The following PADI2 variants were observed in gnomAD, a reference collection of about 807,000 sequenced individuals.
The protein encoded by PADI2 is peptidyl arginine deiminase 2, also known as protein-arginine deiminase type-2.
A neutral mutation model predicts 81.1 loss-of-function variants in PADI2; 70 were observed. The ratio of observed to expected loss-of-function variants is 0.86; its 90% CI spans 0.71 to 1.05. The LOEUF (loss-of-function observed/expected upper bound fraction) is 1.05. Ranked by LOEUF, PADI2 falls within the 50% of genes least tolerant of loss-of-function variation. PADI2 has a pLI of 0.00. For missense variants in PADI2, 853 were observed against 889.9 expected, an observed-to-expected ratio of 0.96 and a Z score of 0.53; for synonymous variants, 338 against 358.0, an observed-to-expected ratio of 0.94 and a Z score of 0.63.
rs1024885747 is a variant in PADI2 at position 17,067,668 on chromosome 1, T to A, written c.*1376A>T. ...GTAGGGACCAGGTCCAGACTGCTACTAACCACTGTGTTTGCAGAGCCCAAC... is the reference window on the plus strand; with the variant it reads ...GTAGGGACCAGGTCCAGACTGCTACAAACCACTGTGTTTGCAGAGCCCAAC... On this transcript the variant is annotated 3_prime_UTR_variant, in exon 16 of 16. Transcript: ENST00000375486. 7 of 152,252 alleles carry A rather than the reference T, an allele frequency of 4.6e-5. No homozygotes were observed. The highest frequency in any genetic ancestry group is 1.7e-4 in the African/African-American group (7 of 41,458). 9.4% of individuals were successfully genotyped at this position (152,252 alleles called of 1,614,324 possible). A position where few individuals can be genotyped will look rare whatever the true frequency, so the allele number is the denominator to read the frequency against.
intron 5 of PADI2, among the ~76,000 whole-genome samples, 178 bp downstream of exon 5, chr1:17,093,389 C>T (rs1025112665): frequency 1.7e-4 from 26 of 152,190 alleles, no homozygotes; most frequent in Non-Finnish European, 2.8e-4. Flanking sequence ...CCACCACGCC[C>T]GGCCCTTGTC....
At chr1:17,071,383 C>T (rs747790179) in intron 14 of PADI2, 23 bp downstream of exon 14, 19 of 1,587,704 alleles carry the variant, frequency 1.2e-5, no homozygotes, top group Non-Finnish European at 1.6e-5. Context: ...CCCTCTGGCC[C>T]TGCACCCCTG....
chr1:17,096,819 G>A (rs1387292880), intron 3 of PADI2, among the ~76,000 whole-genome samples: 2 of 152,180 alleles, frequency 1.3e-5, no homozygotes, highest in East Asian at 3.8e-4. Flanking sequence ...TTGTAACATG[G>A]GGCCCTTCCT....
chr1:17,086,472 C>T (rs948565003), intron 7 of PADI2, 49 bp downstream of exon 7: 5 of 1,512,026 alleles, frequency 3.3e-6, no homozygotes, highest in Non-Finnish European at 3.6e-6. Context: ...AGGAGACCCA[C>T]CCTGGCCCCT....
Position 17,092,465 on chromosome 1 carries a change from T to G in PADI2, c.598A>C (p.Ile200Leu). Residue 200 changes from isoleucine (I) to leucine (L), a missense_variant, in exon 6 of 16, where the codon ATA becomes CTA. Physicochemically the swap from Ile to Leu is conservative, Grantham distance 5 (BLOSUM62 2). Coordinates refer to ENST00000375486, the MANE Select transcript of PADI2 (RefSeq NM_007365.3). ...GPDRLPAGYE[I>L]VLYISMSDSD... ...TCTGACATGGAAATGTACAGAACTA[T>G]CTCGTATCCGGCGGGGAGGCGGTCG... The G allele has an allele frequency of 6.2e-7, 1 of 1,605,504 alleles. No homozygotes were observed. Among genetic ancestry groups the G allele is most frequent in the Middle Eastern group, 1.7e-4 (1 of 6,042 alleles).
At chr1:17,105,442 C>T (rs1931337995) in intron 1 of PADI2, among the ~76,000 whole-genome samples, 1 of 151,952 alleles carries the variant, frequency 6.6e-6, no homozygotes, top group African/African-American at 2.4e-5. Flanking sequence ...GTTGCCCAGG[C>T]TGGAGTGCAA....
intron 3 of PADI2, among the ~76,000 whole-genome samples, 174 bp from the exon 4 acceptor site, chr1:17,096,144 C>G (rs1294130581): frequency 6.6e-6 from 1 of 152,238 alleles, no homozygotes. Flanking sequence ...CCACTACCCA[C>G]TGGAGACCGT....
intron 14 of PADI2, among the ~76,000 whole-genome samples, chr1:17,070,731 G>A (rs1033860822): frequency 3.9e-5 from 6 of 151,978 alleles, no homozygotes; most frequent in South Asian, 2.1e-4. Context: ...GCACGATCTC[G>A]GTTCACTGCA....
At chr1:17,104,497 C>G (rs12024925) in intron 2 of PADI2, among the ~76,000 whole-genome samples, 6 of 126,210 alleles carry the variant, frequency 4.8e-5, no homozygotes, top group Non-Finnish European at 6.5e-5. Flanking sequence ...TGCAGTGGTG[C>G]GATCTCGGCT....
At chr1:17,114,864 G>C (rs1931705413) in intron 1 of PADI2, among the ~76,000 whole-genome samples, 1 of 152,184 alleles carries the variant, frequency 6.6e-6, no homozygotes, top group African/African-American at 2.4e-5. Context: ...GCACAGCCAA[G>C]GGCTAACAGC....
In PADI2 at chr1:17,093,506, A is replaced by C. The variant is rs866589599; in HGVS notation, c.529+61T>G. ...TGCCTCACCCTCAGCCCAGCCCAGGACTGGGCATGAATCTTTTCACTCCTC... is the reference window on the plus strand; with the variant it reads ...TGCCTCACCCTCAGCCCAGCCCAGGCCTGGGCATGAATCTTTTCACTCCTC... On this transcript the variant is annotated intron_variant, in intron 5 of 15. Transcript: ENST00000375486. 4 of 1,107,172 alleles carry C rather than the reference A, an allele frequency of 3.6e-6. No individual in the cohort carries two copies. In the African/African-American group the frequency reaches 6.1e-5, roughly 17 times the overall value. 68.6% of individuals were successfully genotyped at this position (1,107,172 alleles called of 1,614,324 possible).
chr1:17,081,277 G>A (rs2101581493), intron 10 of PADI2, among the ~76,000 whole-genome samples: 1 of 152,332 alleles, frequency 6.6e-6, no homozygotes, highest in African/African-American at 2.4e-5. Flanking sequence ...ATCAGACATG[G>A]CACTGATGCC....
chr1:17,116,967 G>T (rs1275443912), intron 1 of PADI2, among the ~76,000 whole-genome samples: 1 of 152,180 alleles, frequency 6.6e-6, no homozygotes, highest in African/African-American at 2.4e-5. Flanking sequence ...CTGTGATTTT[G>T]CCCCCTGCCA....
At chr1:17,096,768 T>A (rs924660647) in intron 3 of PADI2, among the ~76,000 whole-genome samples, 3 of 152,204 alleles carry the variant, frequency 2.0e-5, no homozygotes, top group African/African-American at 7.2e-5. Context: ...TGTGTGACTT[T>A]GGGCAGGTTA....
chr1:17,071,305 T>A, intron 14 of PADI2, 101 bp downstream of exon 14: 1 of 824,580 alleles, frequency 1.2e-6, no homozygotes, highest in Non-Finnish European at 2.0e-6. Context: ...CAGGAGCTCC[T>A]GAGCCCTTGG....
chr1:17,097,371 C>T (rs534620957), intron 3 of PADI2, among the ~76,000 whole-genome samples: 1 of 152,326 alleles, frequency 6.6e-6, no homozygotes, highest in African/African-American at 2.4e-5. Context: ...TACCCTAGAC[C>T]TGCATGTGAC....
intron 12 of PADI2, 58 bp from the exon 13 acceptor site, chr1:17,075,007 G>A (rs966458848): frequency 2.2e-5 from 25 of 1,137,106 alleles, no homozygotes; most frequent in Admixed American, 1.8e-4. Context: ...CAAGGAGCAC[G>A]GGGAGGCCCT....
chr1:17,082,483 ACT>A (rs1290901459), intron 10 of PADI2, 60 bp downstream of exon 10: 1 of 1,090,190 alleles, frequency 9.2e-7, no homozygotes, highest in African/African-American at 1.5e-5. Context: ...TCTCCTGACC[ACT>A]CTGTCTTATG....
chr1:17,116,297 G>T (rs891576529), intron 1 of PADI2, among the ~76,000 whole-genome samples: 1 of 152,220 alleles, frequency 6.6e-6, no homozygotes, highest in Non-Finnish European at 1.5e-5. Flanking sequence ...ACAGGAAAGG[G>T]AGTCCAGAGC....
Sources: gnomAD v4.1 joint callset for allele counts (sites outside exome capture counted in the v4.1 genomes callset) on GRCh38, gnomAD v4.1.1 for gene constraint, MANE v1.5 for transcripts, NCBI Gene and HGNC (gene_info 2026-07-23, HGNC 2026-07-21) for gene names.